The following KLHDC10 variants were observed in gnomAD, a reference collection of about 807,000 sequenced individuals.
KLHDC10 encodes the protein kelch domain containing 10.
In KLHDC10, 24 loss-of-function variants were observed where a neutral mutation model predicts 56.1. That is an observed-to-expected ratio of 0.43 (90% CI 0.31 to 0.60). The LOEUF is 0.60. Ranked by LOEUF, KLHDC10 falls within the 20% of genes least tolerant of loss-of-function variation. The probability of loss-of-function intolerance (pLI) is 0.11; values close to 1 mark genes in which losing one functional copy is unlikely to be tolerated. For synonymous variants in KLHDC10, 188 were observed against 207.1 expected (o/e 0.91, Z 0.79); for missense variants, 349 against 567.0 (o/e 0.62, Z 3.91).
rs987798884 is a variant in KLHDC10 at position 130,132,753 on chromosome 7, T to G, written c.*2007T>G. The G allele has an allele frequency of 6.6e-6, 1 of 152,256 alleles. No homozygotes were observed. The highest frequency in any genetic ancestry group is 1.5e-5 in the Non-Finnish European group (1 of 68,066). The allele number at this position is 152,256 out of a possible 1,614,324, so 9.4% of individuals were successfully genotyped here. On this transcript the variant is annotated 3_prime_UTR_variant, in exon 10 of 10. Transcript: ENST00000335420. ...CAAAACAGAGCTTTGCTGCATGACTTCAGCCTGGCCTCTGGATATTTGGTG... is the reference window on the plus strand; with the variant it reads ...CAAAACAGAGCTTTGCTGCATGACTGCAGCCTGGCCTCTGGATATTTGGTG...
rs1290045976 is a variant in KLHDC10 at position 130,120,393 on chromosome 7, A to C, written c.476-356A>C. ...TCTGCAGAACTTTGTAGTATAGGCT[A>C]TGTATCCCTTATCTGAAATGCTTGG... is the stretch of plus-strand genomic sequence containing the variant. On this transcript the variant is annotated intron_variant, in intron 3 of 9. Coordinates refer to ENST00000335420, the MANE Select transcript of KLHDC10 (RefSeq NM_014997.4). This position sits in a 1 kb window ranked among gnomAD's most constrained non-coding sequence, Gnocchi z 5.1. Among the ~76,000 whole-genome samples the C allele has an allele frequency of 6.6e-6, 1 of 152,208 alleles. No homozygotes were observed. The highest frequency in any genetic ancestry group is 1.9e-4 in the East Asian group (1 of 5,200).
chr7:130,092,210 T>G (rs935913465), intron 1 of KLHDC10, among the ~76,000 whole-genome samples: 3 of 152,244 alleles, frequency 2.0e-5, no homozygotes, highest in African/African-American at 7.2e-5. Flanking sequence ...AGTATGAGTC[T>G]TCTTTCACTT....
chr7:130,096,420 A>G (rs1382000057), intron 1 of KLHDC10, among the ~76,000 whole-genome samples: 1 of 152,180 alleles, frequency 6.6e-6, no homozygotes, highest in African/African-American at 2.4e-5. Flanking sequence ...TTGCTGTTTT[A>G]AAATTTAATT....
At position 130,096,992 on chromosome 7, in the gene KLHDC10, A is replaced by G; in HGVS notation, c.238A>G (p.Asn80Asp). ...IQSCPIIRIP[N>D]RFLRGHRPPP... ...GTCCTGTCCCATCATAAGGATCCCT[A>G]ACAGGTTTTTGAGAGGTGGGTGATA... Residue 80 changes from asparagine to aspartate, a missense_variant, in exon 2 of 10, where the codon AAC becomes GAC. Transcript: ENST00000335420. The G allele has an allele frequency of 1.2e-6, 2 of 1,604,892 alleles. No homozygotes were observed. The highest frequency in any genetic ancestry group is 1.7e-6 in the Non-Finnish European group (2 of 1,173,478).
At chr7:130,124,215 CA>C (rs1248954965) in intron 5 of KLHDC10, among the ~76,000 whole-genome samples, 1 of 152,056 alleles carries the variant, frequency 6.6e-6, no homozygotes, top group African/African-American at 2.4e-5. Flanking sequence ...AATAATGACA[CA>C]AAAAAGTTCT....
intron 5 of KLHDC10, among the ~76,000 whole-genome samples, chr7:130,123,016 TATGGATGGATGGATGG>T (rs34901862): frequency 6.7e-6 from 1 of 148,930 alleles, no homozygotes; most frequent in East Asian, 2.0e-4. Context: ...TAGATGGATG[TATGGATGGATGGATGG>T]ATGGATGGAT....
chr7:130,085,597 G>A (rs917916750), intron 1 of KLHDC10, among the ~76,000 whole-genome samples: 6 of 151,952 alleles, frequency 3.9e-5, no homozygotes, highest in African/African-American at 7.2e-5. Flanking sequence ...CACTTTGGGA[G>A]GCTGCGGTGG....
intron 2 of KLHDC10, among the ~76,000 whole-genome samples, chr7:130,105,683 G>C (rs987255877): frequency 2.0e-5 from 3 of 152,186 alleles, no homozygotes; most frequent in Admixed American, 2.0e-4. Flanking sequence ...AGTGAAGGGA[G>C]GTTGGAGGGT....
chr7:130,093,434 C>T (rs962038586), intron 1 of KLHDC10, among the ~76,000 whole-genome samples: 1 of 152,078 alleles, frequency 6.6e-6, no homozygotes, highest in Admixed American at 6.6e-5. Flanking sequence ...CCATGTTGGC[C>T]AGGCTGGTCT....
chr7:130,082,078 C>T (rs985384651), intron 1 of KLHDC10, among the ~76,000 whole-genome samples: 1 of 152,096 alleles, frequency 6.6e-6, no homozygotes, highest in Non-Finnish European at 1.5e-5. Flanking sequence ...TTTGGAAGGC[C>T]GAGGCGGGCA....
intron 1 of KLHDC10, among the ~76,000 whole-genome samples, chr7:130,085,833 C>CAAA (rs55805509): frequency 2.3e-5 from 2 of 86,266 alleles, no homozygotes; most frequent in Middle Eastern, 5.6e-3. Context: ...GACTCTTTCT[C>CAAA]AAAAAAAAAA....
At chr7:130,086,913 C>G (rs2116855088) in intron 1 of KLHDC10, among the ~76,000 whole-genome samples, 1 of 152,330 alleles carries the variant, frequency 6.6e-6, no homozygotes, top group Middle Eastern at 3.4e-3. Context: ...TCTGCTTTCC[C>G]ATTCAGCTAG....
chr7:130,075,875 A>G (rs762761800), intron 1 of KLHDC10, among the ~76,000 whole-genome samples: 6 of 152,176 alleles, frequency 3.9e-5, no homozygotes, highest in Admixed American at 6.5e-5. Context: ...TGTCTTTCCA[A>G]TAGGTAGATA....
intron 1 of KLHDC10, among the ~76,000 whole-genome samples, chr7:130,085,177 A>G (rs1440823376): frequency 6.6e-6 from 1 of 151,404 alleles, no homozygotes; most frequent in Non-Finnish European, 1.5e-5. Context: ...TACTAAAAAT[A>G]CAAAAATTAG....
chr7:130,125,808 G>T, intron 6 of KLHDC10, 57 bp from the exon 7 acceptor site: 1 of 1,341,894 alleles, frequency 7.5e-7, no homozygotes. Flanking sequence ...TCCTTTTTCA[G>T]GCTAGCTAAA....
chr7:130,109,709 G>A (rs1333777167), intron 2 of KLHDC10, among the ~76,000 whole-genome samples: 1 of 152,202 alleles, frequency 6.6e-6, no homozygotes, highest in Non-Finnish European at 1.5e-5. Context: ...TGCAATCTCA[G>A]CTCATTGCAA....
At chr7:130,088,795 A>G (rs1795729329) in intron 1 of KLHDC10, among the ~76,000 whole-genome samples, 1 of 149,078 alleles carries the variant, frequency 6.7e-6, no homozygotes, top group African/African-American at 2.5e-5. Context: ...GGGACCCGCC[A>G]CCACACCCAG....
rs1554468213 is a variant in KLHDC10 at position 130,128,889 on chromosome 7, A to AATAT, written c.980-520_980-517dup. Among the ~76,000 whole-genome samples, 221 of 66,932 alleles carry AATAT rather than the reference A, an allele frequency of 3.3e-3. 9 individuals are homozygous for AATAT. The highest frequency in any genetic ancestry group is 9.9e-3 in the East Asian group (33 of 3,328). 43.9% of individuals were successfully genotyped at this position (66,932 alleles called of 152,430 possible). Reference sequence around the variant, plus strand: ...ACCTTGTCTCTTAAAAAAAAAAAAAAATATATATATATATATATATATATA... The same window carrying AATAT: ...ACCTTGTCTCTTAAAAAAAAAAAAAAATATATATATATATATATATATATATATA... On this transcript the variant is annotated intron_variant, in intron 8 of 9. Transcript: ENST00000335420.
intron 4 of KLHDC10, 142 bp downstream of exon 4, chr7:130,121,045 A>G (rs749778840): frequency 1.3e-6 from 1 of 774,206 alleles, no homozygotes; most frequent in Non-Finnish European, 2.0e-6. Context: ...TAGTTCTGAT[A>G]TGAAATTATA....
Sources: allele counts gnomAD v4.1 joint callset (sites outside exome capture counted in the v4.1 genomes callset), GRCh38; gene constraint gnomAD v4.1.1; non-coding constraint Gnocchi (gnomAD v3.1); transcripts MANE v1.5; gene names NCBI Gene and HGNC (gene_info 2026-07-23, HGNC 2026-07-21).